Variants in TMEM14B observed in about 807,000 individuals in gnomAD.
The protein encoded by TMEM14B is transmembrane protein 14B.
In TMEM14B, 9 loss-of-function variants were observed where a neutral mutation model predicts 14.8. That is an observed-to-expected ratio of 0.61 (90% confidence interval 0.37 to 1.06). TMEM14B has a LOEUF of 1.06. Ranked by LOEUF, TMEM14B falls within the 50% of genes least tolerant of loss-of-function variation. TMEM14B has a pLI of 0.01. For synonymous variants in TMEM14B, 40 were observed against 51.3 expected (o/e 0.78, Z 0.94); for missense variants, 128 against 143.6 (o/e 0.89, Z 0.56).
chr6:10,755,100 A>G (rs920561127), intron 4 of TMEM14B, 42 bp from the exon 5 acceptor site: 4 of 1,607,504 alleles, frequency 2.5e-6, no homozygotes, highest in Non-Finnish European at 3.4e-6. Context: ...TCCCCTGCGT[A>G]GAAGACTAAT....
chr6:10,749,102 C>T, intron 1 of TMEM14B, 100 bp from the exon 2 acceptor site: 1 of 741,134 alleles, frequency 1.3e-6, no homozygotes, highest in Non-Finnish European at 2.4e-6. Context: ...GTGAAGGATA[C>T]TGAGACTTAG....
At chr6:10,755,057 T>G in intron 4 of TMEM14B, 85 bp from the exon 5 acceptor site, 19 of 1,423,206 alleles carry the variant, frequency 1.3e-5, no homozygotes, top group Non-Finnish European at 1.7e-5. Context: ...GCGTGAGCCT[T>G]GAGAGATTGG....
At position 10,749,664 on chromosome 6, in the gene TMEM14B, T is replaced by C. The variant is rs577459173; in HGVS notation, c.66T>C (p.Val22=). Residue 22 remains valine (V), a synonymous_variant, in exon 3 of 6, where the codon GTT becomes GTC. Transcript: ENST00000379542. ...TTGGCTTTGGCTACACAGCACTGGT[T>C]GTTTCTGGTGGGATCGTTGGCTATG... ...HWFGFGYTAL[V]VSGGIVGYVK... is the part of the protein sequence containing the mutation. 1.2e-6 allele frequency: 2 copies of C among 1,614,230 alleles called. No individual in the cohort carries two copies. The highest frequency in any genetic ancestry group is 1.7e-5 in the Admixed American group (1 of 60,028).
intron 5 of TMEM14B, chr6:10,755,767 C>A (rs1208138231): frequency 4.6e-6 from 3 of 657,628 alleles, no homozygotes; most frequent in Non-Finnish European, 5.7e-6. Flanking sequence ...CCAGCCTGGC[C>A]AACATGGTGA....
intron 5 of TMEM14B, 58 bp from the exon 6 acceptor site, chr6:10,756,409 A>T (rs1771801797): frequency 8.8e-6 from 14 of 1,597,416 alleles, no homozygotes; most frequent in Non-Finnish European, 1.2e-5. Flanking sequence ...TTCCTTAAAA[A>T]CATAGTTGCC....
chr6:10,752,650 T>G (rs1233893), intron 4 of TMEM14B: 61,791 of 151,602 alleles, frequency 0.41, 16,282 homozygotes, highest in African/African-American at 0.75. Flanking sequence ...AGGTGCAGGG[T>G]TTTTGCCATG....
chr6:10,750,821 T>C (rs1439257202), intron 3 of TMEM14B, among the ~76,000 whole-genome samples: 1 of 151,884 alleles, frequency 6.6e-6, no homozygotes, highest in Non-Finnish European at 1.5e-5. Flanking sequence ...ACAGGGTTAG[T>C]AAAAACAAGG....
downstream of TMEM14B, among the ~76,000 whole-genome samples, chr6:10,757,371 G>A (rs989684893): frequency 1.3e-5 from 2 of 152,104 alleles, no homozygotes; most frequent in African/African-American, 4.8e-5. Flanking sequence ...CTGTTGCTCA[G>A]GCTGCTATCA....
At chr6:10,749,727 A>G in intron 3 of TMEM14B, 29 bp downstream of exon 3, 1 of 1,612,274 alleles carries the variant, frequency 6.2e-7, no homozygotes, top group Non-Finnish European at 8.5e-7. Context: ...TTAGCCTCTT[A>G]ACATCTTCAC....
intron 2 of TMEM14B, 106 bp from the exon 3 acceptor site, chr6:10,749,516 G>A: frequency 7.4e-7 from 1 of 1,344,448 alleles, no homozygotes; most frequent in Admixed American, 1.7e-5. Flanking sequence ...TGGGCACATA[G>A]GACCTGTGGG....
downstream of TMEM14B, among the ~76,000 whole-genome samples, chr6:10,757,292 T>A (rs567513658): frequency 4.6e-5 from 7 of 152,324 alleles, no homozygotes; most frequent in African/African-American, 1.7e-4. Flanking sequence ...GCCTCCTGAA[T>A]AGCTGGTACT....
chr6:10,757,981 ACT>A (rs1327220406), downstream of TMEM14B, among the ~76,000 whole-genome samples: 4 of 148,334 alleles, frequency 2.7e-5, no homozygotes, highest in South Asian at 8.6e-4. Flanking sequence ...ACAGGGTGAG[ACT>A]CTGTCTCAAA....
chr6:10,756,805 G>A lies in TMEM14B; in HGVS notation c.*287G>A. 1.9e-6 allele frequency: 2 copies of A among 1,039,068 alleles called. No individual in the cohort carries two copies. The highest frequency in any genetic ancestry group is 2.3e-6 in the Non-Finnish European group (2 of 865,148). The allele number at this position is 1,039,068 out of a possible 1,614,324, so 64.4% of individuals were successfully genotyped here. ...TATAGGTAAATCTCAAGGGTAAAAT[G>A]TTAGGTGTTGACATTGAGAACCCTG... On this transcript the variant is annotated 3_prime_UTR_variant, in exon 6 of 6. Transcript: ENST00000379542.
rs112238877 is a variant in TMEM14B, at chr6:10,751,980, C to T, written c.202+746C>T. On this transcript the variant is annotated intron_variant, in intron 4 of 5. Transcript: ENST00000379542. ...GGTTCCTTGCGGTCTCTACAAACCC[C>T]GTGTGAGAATGAGTGCCATGTGGGA... 7.4e-3 allele frequency among the ~76,000 whole-genome samples: 1,121 copies of T among 152,032 alleles called. 21 individuals carry two copies. The highest frequency in any genetic ancestry group is 0.024 in the African/African-American group (1,003 of 41,356).
downstream of TMEM14B, chr6:10,759,614 C>G (rs754044795): frequency 1.3e-5 from 2 of 152,178 alleles, no homozygotes; most frequent in Non-Finnish European, 2.9e-5. Flanking sequence ...AGCTGGAAGT[C>G]TGCAAACTTG....
chr6:10,754,856 A>G (rs940602187), intron 4 of TMEM14B, among the ~76,000 whole-genome samples: 9 of 152,232 alleles, frequency 5.9e-5, no homozygotes, highest in African/African-American at 2.2e-4. Context: ...AGCATTTTGG[A>G]GAAAACTAAC....
intron 4 of TMEM14B, among the ~76,000 whole-genome samples, chr6:10,751,498 T>C (rs1425346077): frequency 6.6e-6 from 1 of 152,082 alleles, no homozygotes; most frequent in South Asian, 2.1e-4. Context: ...TCATCCATCC[T>C]CTGTGGGCCT....
downstream of TMEM14B, among the ~76,000 whole-genome samples, chr6:10,757,883 C>T (rs888231202): frequency 6.6e-6 from 1 of 151,648 alleles, no homozygotes; most frequent in Admixed American, 6.6e-5. Flanking sequence ...CCCAGCTATT[C>T]AGGAGGCTGA....
intron 5 of TMEM14B, 70 bp downstream of exon 5, chr6:10,755,302 C>A (rs1447627881): frequency 2.5e-6 from 4 of 1,607,132 alleles, no homozygotes; most frequent in Admixed American, 3.4e-5. Flanking sequence ...TTTATGCATT[C>A]AAAACCTTAC....
Sources: gnomAD v4.1 joint callset for allele counts (sites outside exome capture counted in the v4.1 genomes callset) on GRCh38, gnomAD v4.1.1 for gene constraint, MANE v1.5 for transcripts, NCBI Gene and HGNC (gene_info 2026-07-23, HGNC 2026-07-21) for gene names.